SLC9A9: variants seen among roughly 807,000 people sequenced by gnomAD.
SLC9A9 encodes sodium/hydrogen exchanger 9.
In SLC9A9, 62 loss-of-function variants were observed where a neutral mutation model predicts 77.8. That is an observed-to-expected ratio of 0.80 (90% CI 0.65 to 0.98). The LOEUF (loss-of-function observed/expected upper bound fraction) is 0.98, where lower values mean the gene tolerates loss of function less well. SLC9A9 is among the 50% of genes least tolerant of loss of function. SLC9A9 has a pLI of 0.00. For synonymous variants in SLC9A9, 320 were observed against 283.5 expected (o/e 1.13, Z -1.29); for missense variants, 775 against 774.9 (o/e 1.00, Z 0.00).
chr3:143,725,711 G>A (rs1169356104), intron 4 of SLC9A9, among the ~76,000 whole-genome samples: 90 of 132,360 alleles, frequency 6.8e-4, no homozygotes, highest in Non-Finnish European at 9.5e-4. Context: ...ACAGGAAGGG[G>A]AACGTCACAC....
At chr3:143,686,541 CA>C (rs1403758283) in intron 5 of SLC9A9, among the ~76,000 whole-genome samples, 1 of 152,006 alleles carries the variant, frequency 6.6e-6, no homozygotes, top group Non-Finnish European at 1.5e-5. Context: ...GAGGGAGCAA[CA>C]AGCGAAAATA....
chr3:143,795,175 T>C (rs2008344584), intron 3 of SLC9A9, 98 bp from the exon 4 acceptor site: 1 of 1,176,630 alleles, frequency 8.5e-7, no homozygotes, highest in Admixed American at 2.0e-5. Flanking sequence ...GACCCCTCAC[T>C]GTTTAGGCAA....
At chr3:143,413,830 A>G (rs2034142762) in intron 12 of SLC9A9, among the ~76,000 whole-genome samples, 3 of 152,072 alleles carry the variant, frequency 2.0e-5, no homozygotes, top group African/African-American at 7.2e-5. Context: ...ATGCATGTAC[A>G]TGCATGTGTG....
intron 9 of SLC9A9, chr3:143,503,631 C>T (rs1350345472): frequency 2.2e-6 from 1 of 451,730 alleles, no homozygotes; most frequent in Non-Finnish European, 4.4e-6. Context: ...TTGCCCATGC[C>T]TTGGCAGTGC....
intron 14 of SLC9A9, among the ~76,000 whole-genome samples, chr3:143,321,624 G>T (rs1381239715): frequency 6.6e-6 from 1 of 152,138 alleles, no homozygotes; most frequent in African/African-American, 2.4e-5. Flanking sequence ...TTATGTTTTA[G>T]GGTATTTTTT....
intron 11 of SLC9A9, among the ~76,000 whole-genome samples, chr3:143,482,652 T>C (rs1407662946): frequency 6.6e-6 from 1 of 152,202 alleles, no homozygotes; most frequent in East Asian, 1.9e-4. Flanking sequence ...CAGGGCTAAG[T>C]TGGGCTTGGC....
intron 12 of SLC9A9, among the ~76,000 whole-genome samples, chr3:143,389,885 G>T (rs2033516299): frequency 6.6e-6 from 1 of 152,184 alleles, no homozygotes; most frequent in Non-Finnish European, 1.5e-5. Context: ...AGGAAGAAAG[G>T]GGGGTTCTAT....
chr3:143,349,170 C>T (rs968427488), intron 14 of SLC9A9, among the ~76,000 whole-genome samples: 2 of 152,194 alleles, frequency 1.3e-5, no homozygotes, highest in African/African-American at 4.8e-5. Flanking sequence ...CCTGTTTATT[C>T]TTTGTGAGGG....
intron 14 of SLC9A9, among the ~76,000 whole-genome samples, chr3:143,281,505 C>T (rs1230998877): frequency 6.6e-6 from 1 of 152,094 alleles, no homozygotes. Flanking sequence ...GGGAGCACCA[C>T]AGAAGACGGA....
chr3:143,707,180 C>G (rs990278551), intron 4 of SLC9A9, among the ~76,000 whole-genome samples: 1 of 152,156 alleles, frequency 6.6e-6, no homozygotes, highest in African/African-American at 2.4e-5. Flanking sequence ...CTACTGTCTT[C>G]TTAGCTGTCT....
At chr3:143,348,701 A>T (rs2032367931) in intron 14 of SLC9A9, among the ~76,000 whole-genome samples, 2 of 152,122 alleles carry the variant, frequency 1.3e-5, no homozygotes, top group African/African-American at 4.8e-5. Context: ...TGGTTGGAAA[A>T]GCTAAAAAAT....
intron 2 of SLC9A9, among the ~76,000 whole-genome samples, chr3:143,799,358 A>G (rs2008485154): frequency 6.6e-6 from 1 of 152,172 alleles, no homozygotes; most frequent in Non-Finnish European, 1.5e-5. Context: ...ACACCCCACA[A>G]CAGGACTTAA....
chr3:143,569,638 G>A (rs1484231486), intron 8 of SLC9A9, among the ~76,000 whole-genome samples: 1 of 151,320 alleles, frequency 6.6e-6, no homozygotes, highest in Non-Finnish European at 1.5e-5. Context: ...CATTCACTTG[G>A]GCTTTCTAAG....
At chr3:143,788,669 C>T (rs1382625371) in intron 4 of SLC9A9, among the ~76,000 whole-genome samples, 2 of 107,344 alleles carry the variant, frequency 1.9e-5, no homozygotes, top group African/African-American at 3.9e-5. Flanking sequence ...CCAGCCTGGG[C>T]GACAGAGTGA....
chr3:143,356,954 G>A lies in SLC9A9; in HGVS notation c.1604+6530C>T, dbSNP rs148491711. On this transcript the variant is annotated intron_variant, in intron 14 of 15. Transcript: ENST00000316549. ...CCCCAAAATAATAATAGTATTCTAG[G>A]TGTTATTAACCAGGGGATGGGAGTG... Among the ~76,000 whole-genome samples, 651 of 152,238 alleles carry A rather than the reference G, an allele frequency of 4.3e-3. 2 individuals carry two copies. Among genetic ancestry groups the A allele is most frequent in the African/African-American group, 0.015 (617 of 41,538 alleles).
chr3:143,353,587 T>C (rs978383343), intron 14 of SLC9A9, among the ~76,000 whole-genome samples: 1 of 152,194 alleles, frequency 6.6e-6, no homozygotes, highest in Non-Finnish European at 1.5e-5. Flanking sequence ...TAGTCTAATG[T>C]ATTTTGTTAT....
At chr3:143,488,346 C>A (rs904888192) in intron 11 of SLC9A9, among the ~76,000 whole-genome samples, 1 of 151,836 alleles carries the variant, frequency 6.6e-6, no homozygotes, top group Admixed American at 6.6e-5. Flanking sequence ...TAATACCAAC[C>A]CTTCACAAAC....
Position 143,566,051 on chromosome 3 carries a change from G to A in SLC9A9, c.1000+8037C>T, listed in dbSNP as rs539600439. Among the ~76,000 whole-genome samples, 34 of 152,088 alleles carry A rather than the reference G, an allele frequency of 2.2e-4. 1 individual carries two copies. Among genetic ancestry groups the A allele is most frequent in the Non-Finnish European group, 4.4e-4 (30 of 67,988 alleles). On this transcript the variant is annotated intron_variant, in intron 8 of 15. Coordinates refer to ENST00000316549, the MANE Select transcript of SLC9A9 (RefSeq NM_173653.4). Reference sequence around the variant, plus strand: ...GTTTGAAAACAATTTTTGCCCAAGTGAGAAATGATGAGATGAGAAGTAATA... The same window carrying A: ...GTTTGAAAACAATTTTTGCCCAAGTAAGAAATGATGAGATGAGAAGTAATA...
chr3:143,705,773 C>A (rs1025935499), intron 4 of SLC9A9, among the ~76,000 whole-genome samples: 1 of 152,092 alleles, frequency 6.6e-6, no homozygotes, highest in Non-Finnish European at 1.5e-5. Context: ...CTTTGTTTTA[C>A]AGAAATGACC....
Sources: gnomAD v4.1 joint callset for allele counts (sites outside exome capture counted in the v4.1 genomes callset) on GRCh38, gnomAD v4.1.1 for gene constraint, MANE v1.5 for transcripts, NCBI Gene and HGNC (gene_info 2026-07-23, HGNC 2026-07-21) for gene names.